Variants in HCN3 observed in about 807,000 individuals in gnomAD.
The protein encoded by HCN3 is potassium/sodium hyperpolarization-activated cyclic nucleotide-gated channel 3.
In HCN3, 36 loss-of-function variants were observed where a neutral mutation model predicts 56.8. The ratio of observed to expected loss-of-function variants is 0.63; its 90% CI spans 0.49 to 0.84. The LOEUF (loss-of-function observed/expected upper bound fraction) is 0.84. Among genes scored for constraint, HCN3 ranks in the 40% least tolerant of loss-of-function variants. HCN3 has a pLI of 0.00. For synonymous variants in HCN3, 425 were observed against 439.7 expected, an observed-to-expected ratio of 0.97 and a Z score of 0.42; for missense variants, 930 against 1,079.3, an observed-to-expected ratio of 0.86 and a Z score of 1.94.
intron 7 of HCN3, 66 bp downstream of exon 7, chr1:155,287,403 G>A: frequency 6.3e-7 from 1 of 1,586,632 alleles, no homozygotes; most frequent in Non-Finnish European, 8.6e-7. Flanking sequence ...CCAAAGCAAG[G>A]AGCCCAGGCT....
Position 155,288,666 on chromosome 1 carries a change from T to A in HCN3, c.*203T>A. The A allele has an allele frequency of 1.5e-6, 1 of 648,614 alleles. No individual in the cohort carries two copies. Among genetic ancestry groups the A allele is most frequent in the Admixed American group, 3.4e-5 (1 of 29,784 alleles). 40.2% of individuals were successfully genotyped at this position (648,614 alleles called of 1,614,324 possible). ...TGTAGCTTGTCCCATCATAATCCAT[T>A]CACCCGTTCATCATGTGTACTGAGC... On this transcript the variant is annotated 3_prime_UTR_variant, in exon 8 of 8. Transcript: ENST00000368358. The surrounding 1 kb of genome is among the most constrained non-coding windows in gnomAD (Gnocchi z 6.5).
At position 155,284,989 on chromosome 1, in the gene HCN3, C is replaced by T. The variant is rs1201799720; in HGVS notation, c.1090-176C>T. On this transcript the variant is annotated intron_variant, in intron 4 of 7. Coordinates refer to ENST00000368358, the MANE Select transcript of HCN3 (RefSeq NM_020897.3). The surrounding 1 kb of genome is among the most constrained non-coding windows in gnomAD (Gnocchi z 4.3). ...TTCCTATGACTGTGCTCTGTGTCTT[C>T]CCGGTATCCATCATTATCCGTATTC... is the stretch of plus-strand genomic sequence containing the variant. Among the ~76,000 whole-genome samples the T allele has an allele frequency of 6.6e-6, 1 of 152,214 alleles. No individual in the cohort carries two copies. Among genetic ancestry groups the T allele is most frequent in the Non-Finnish European group, 1.5e-5 (1 of 68,040 alleles).
chr1:155,285,907 A>C lies in HCN3; in HGVS notation c.1420A>C (p.Ser474Arg), dbSNP rs1330559042. The change falls in exon 6 of 8, where the codon AGT becomes CGT. Residue 474 changes from serine (S) to arginine (R), a missense_variant. Physicochemically the swap from Ser to Arg is moderately radical, Grantham distance 110 (BLOSUM62 -1). Coordinates refer to ENST00000368358, the MANE Select transcript of HCN3 (RefSeq NM_020897.3). The surrounding 1 kb of genome is among the most constrained non-coding windows in gnomAD (Gnocchi z 4.5). Reference sequence around the variant, plus strand: ...GTACTTCATCCAGCATGGGCTGCTCAGTGTGCTGGCCCGCGGCGCCCGGGA... The same window carrying C: ...GTACTTCATCCAGCATGGGCTGCTCCGTGTGCTGGCCCGCGGCGCCCGGGA... ...KMYFIQHGLL[S>R]VLARGARDTR... 1 of 1,612,028 alleles carries C rather than the reference A, an allele frequency of 6.2e-7. No homozygotes were observed. Among genetic ancestry groups the C allele is most frequent in the South Asian group, 1.1e-5 (1 of 91,016 alleles).
Position 155,285,291 on chromosome 1 carries a change from C to T in HCN3, c.1216C>T (p.Leu406=), listed in dbSNP as rs758132548. The T allele has an allele frequency of 6.3e-7, 1 of 1,585,512 alleles. No individual in the cohort carries two copies. The highest frequency in any genetic ancestry group is 1.2e-5 in the South Asian group (1 of 83,690). The change falls in exon 5 of 8, where the codon CTG becomes TTG. Residue 406 remains leucine (L), a synonymous_variant. Coordinates refer to ENST00000368358, the MANE Select transcript of HCN3 (RefSeq NM_020897.3). This position sits in a 1 kb window ranked among gnomAD's most constrained non-coding sequence, Gnocchi z 4.5. ...MFDEESILGE[L]SEPLREEIIN... ...CGATGAGGAAAGCATCCTGGGCGAGCTGAGCGAGCCGCTTCGCGAGGTGGG... is the reference window on the plus strand; with the variant it reads ...CGATGAGGAAAGCATCCTGGGCGAGTTGAGCGAGCCGCTTCGCGAGGTGGG...
In HCN3 at chr1:155,285,786, C is replaced by A; in HGVS notation, c.1299C>A (p.Asp433Glu). The A allele has an allele frequency of 6.2e-7, 1 of 1,614,202 alleles. No homozygotes were observed. Among genetic ancestry groups the A allele is most frequent in the South Asian group, 1.1e-5 (1 of 91,080 alleles). ...VAHMPLFAHA[D>E]PSFVTAVLTK... is the part of the protein sequence containing the mutation. ...ACATGCCGCTGTTTGCCCATGCCGA[C>A]CCCAGCTTCGTCACTGCAGTTCTCA... The change falls in exon 6 of 8, where the codon GAC becomes GAA. Residue 433 changes from aspartate to glutamate, a missense_variant. Coordinates refer to ENST00000368358, the MANE Select transcript of HCN3 (RefSeq NM_020897.3). The surrounding 1 kb of genome is among the most constrained non-coding windows in gnomAD (Gnocchi z 4.5).
In HCN3 at chr1:155,284,131, T is replaced by A; in HGVS notation, c.866T>A (p.Met289Lys). The A allele has an allele frequency of 6.2e-7, 1 of 1,614,090 alleles. No individual in the cohort carries two copies. Among genetic ancestry groups the A allele is most frequent in the Non-Finnish European group, 8.5e-7 (1 of 1,179,930 alleles). Residue 289 changes from methionine (M) to lysine (K), a missense_variant, in exon 3 of 8, where the codon ATG becomes AAG. By Grantham distance (95) the Met-to-Lys change is moderately conservative. Coordinates refer to ENST00000368358, the MANE Select transcript of HCN3 (RefSeq NM_020897.3). The surrounding 1 kb of genome is among the most constrained non-coding windows in gnomAD (Gnocchi z 4.3). ...GACTGCTGGGTCTCCATCAACCACA[T>A]GGTGGTGAGAAGTCCCCACAGCTCT... The part of the protein sequence containing the change: ...PPDCWVSINH[M>K]VNHSWGRQYS...
Position 155,285,931 on chromosome 1 carries a change from GAC to G in HCN3, c.1449_1450del (p.Arg484ProfsTer15). 1.9e-6 allele frequency: 3 copies of G among 1,601,988 alleles called. No individual in the cohort carries two copies. Among genetic ancestry groups the G allele is most frequent in the Non-Finnish European group, 2.6e-6 (3 of 1,170,972 alleles). On this transcript the variant is annotated frameshift_variant, in exon 6 of 8. Transcript: ENST00000368358. LOFTEE classifies it high-confidence loss of function. This position sits in a 1 kb window ranked among gnomAD's most constrained non-coding sequence, Gnocchi z 4.5. ...CAGTGTGCTGGCCCGCGGCGCCCGG[GAC>G]ACACGCCTCACCGATGGATCCTACT... The part of the protein sequence containing the change: ...LLSVLARGAR[D>X]TRLTDGSYFG...
chr1:155,288,416 C>G lies in HCN3; in HGVS notation c.2278C>G (p.Pro760Ala), dbSNP rs775816352. 6 of 1,611,568 alleles carry G rather than the reference C, an allele frequency of 3.7e-6. No homozygotes were observed. In the South Asian group the frequency reaches 6.6e-5, roughly 18 times the overall value. Residue 760 changes from proline to alanine, a missense_variant, in exon 8 of 8, where the codon CCT (proline) becomes GCT (alanine). Coordinates refer to ENST00000368358, the MANE Select transcript of HCN3 (RefSeq NM_020897.3). The surrounding 1 kb of genome is among the most constrained non-coding windows in gnomAD (Gnocchi z 6.5). ...RTAQPPRPPVPEPATPRGLQL... is the reference protein window; with the variant it reads ...RTAQPPRPPVAEPATPRGLQL... ...AGCCCAGCCCCCCAGGCCACCAGTG[C>G]CTGAGCCAGCCACACCCCGGGGTCT...
rs1219003038 is a variant in HCN3 at position 155,277,868 on chromosome 1, G to A, written c.278G>A (p.Arg93Gln). The change falls in exon 1 of 8, where the codon CGG becomes CAG. Residue 93 changes from arginine (R) to glutamine (Q), a missense_variant and splice_region_variant. Arg to Gln is a conservative substitution (Grantham distance 43). Coordinates refer to ENST00000368358, the MANE Select transcript of HCN3 (RefSeq NM_020897.3). ...ATCATCCACCCCTACAGCGACTTCC[G>A]GTATTGGGGGCTTGGCGGGGAGGGC... is the stretch of plus-strand genomic sequence containing the variant. Reference protein sequence around the residue: ...AWIIHPYSDFRFYWDLIMLLL... With the variant: ...AWIIHPYSDFQFYWDLIMLLL... 1.2e-6 allele frequency: 2 copies of A among 1,611,408 alleles called. No individual in the cohort carries two copies. The highest frequency in any genetic ancestry group is 1.7e-6 in the Non-Finnish European group (2 of 1,179,432).
rs151135773 is a variant in HCN3 at position 155,285,910 on chromosome 1, G to A, written c.1423G>A (p.Val475Met). The change falls in exon 6 of 8, where the codon GTG (valine) becomes ATG (methionine). Residue 475 changes from valine to methionine, a missense_variant. Physicochemically the swap from Val to Met is conservative, Grantham distance 21 (BLOSUM62 1). Transcript: ENST00000368358. This position sits in a 1 kb window ranked among gnomAD's most constrained non-coding sequence, Gnocchi z 4.5. ...CTTCATCCAGCATGGGCTGCTCAGT[G>A]TGCTGGCCCGCGGCGCCCGGGACAC... ...MYFIQHGLLSVLARGARDTRL... is the reference protein window; with the variant it reads ...MYFIQHGLLSMLARGARDTRL... 4.4e-4 allele frequency: 712 copies of A among 1,610,266 alleles called. 1 individual carries two copies. Among genetic ancestry groups the A allele is most frequent in the Non-Finnish European group, 5.7e-4 (676 of 1,176,852 alleles).
Position 155,285,898 on chromosome 1 carries a change from G to A in HCN3, c.1411G>A (p.Gly471Arg). The A allele has an allele frequency of 6.2e-7, 1 of 1,613,246 alleles. No homozygotes were observed. Among genetic ancestry groups the A allele is most frequent in the Non-Finnish European group, 8.5e-7 (1 of 1,179,260 alleles). Residue 471 changes from glycine (G) to arginine (R), a missense_variant, in exon 6 of 8, where the codon GGG becomes AGG. Physicochemically the swap from Gly to Arg is moderately radical, Grantham distance 125 (BLOSUM62 -2). Coordinates refer to ENST00000368358, the MANE Select transcript of HCN3 (RefSeq NM_020897.3). This position sits in a 1 kb window ranked among gnomAD's most constrained non-coding sequence, Gnocchi z 4.5. ...VGRKMYFIQH[G>R]LLSVLARGAR... ...GAGGAAGATGTACTTCATCCAGCAT[G>A]GGCTGCTCAGTGTGCTGGCCCGCGG...
chr1:155,279,266 T>G (rs1673928173), intron 1 of HCN3, among the ~76,000 whole-genome samples: 1 of 152,204 alleles, frequency 6.6e-6, no homozygotes, highest in Non-Finnish European at 1.5e-5. Context: ...GATTTTCCTG[T>G]GCCATTCTCT....
Position 155,288,136 on chromosome 1 carries a change from A to G in HCN3, c.1998A>G (p.Ala666=), listed in dbSNP as rs2148189472. ...TGCCCGTCCGAGCTGGCCCATGGGC[A>G]TCCACCTCCCGCCTGCCCGCCCCAC... is the stretch of plus-strand genomic sequence containing the variant. ...PLVPVRAGPW[A]STSRLPAPPA... is the part of the protein sequence containing the mutation. Residue 666 remains alanine (A), a synonymous_variant, in exon 8 of 8, where the codon GCA becomes GCG. Transcript: ENST00000368358. The surrounding 1 kb of genome is among the most constrained non-coding windows in gnomAD (Gnocchi z 6.5). The G allele has an allele frequency of 1.9e-6, 3 of 1,593,520 alleles. No homozygotes were observed. The highest frequency in any genetic ancestry group is 2.2e-5 in the South Asian group (2 of 89,518).
chr1:155,284,283 A>G lies in HCN3; in HGVS notation c.870+148A>G, dbSNP rs1473601671. On this transcript the variant is annotated intron_variant, in intron 3 of 7. Coordinates refer to ENST00000368358, the MANE Select transcript of HCN3 (RefSeq NM_020897.3). This position sits in a 1 kb window ranked among gnomAD's most constrained non-coding sequence, Gnocchi z 4.3. Reference sequence around the variant, plus strand: ...GGTGGGGAGGAGGGAGGAAAGGGGAAGGAGACCCAGAAGAAGTGCTCGTGT... The same window carrying G: ...GGTGGGGAGGAGGGAGGAAAGGGGAGGGAGACCCAGAAGAAGTGCTCGTGT... 1.2e-5 allele frequency: 12 copies of G among 981,694 alleles called. No homozygotes were observed. The highest frequency in any genetic ancestry group is 1.6e-5 in the Non-Finnish European group (11 of 673,326). 60.8% of individuals were successfully genotyped at this position (981,694 alleles called of 1,614,324 possible).
At position 155,288,167 on chromosome 1, in the gene HCN3, C is replaced by G; in HGVS notation, c.2029C>G (p.Arg677Gly). The G allele has an allele frequency of 6.3e-7, 1 of 1,579,602 alleles. No individual in the cohort carries two copies. The highest frequency in any genetic ancestry group is 8.6e-7 in the Non-Finnish European group (1 of 1,167,856). The change falls in exon 8 of 8, where the codon CGA becomes GGA. Residue 677 changes from arginine to glycine, a missense_variant. Coordinates refer to ENST00000368358, the MANE Select transcript of HCN3 (RefSeq NM_020897.3). This position sits in a 1 kb window ranked among gnomAD's most constrained non-coding sequence, Gnocchi z 6.5. ...STSRLPAPPA[R>G]TLHASLSRAG... ...CTCCCGCCTGCCCGCCCCACCTGCC[C>G]GAACCCTGCACGCCAGCCTATCCCG...
In HCN3 at chr1:155,285,614, C is replaced by A. The variant is rs899747280; in HGVS notation, c.1237-110C>A. 2 of 1,452,800 alleles carry A rather than the reference C, an allele frequency of 1.4e-6. No homozygotes were observed. Among genetic ancestry groups the A allele is most frequent in the African/African-American group, 1.4e-5 (1 of 71,554 alleles). The allele number at this position is 1,452,800 out of a possible 1,614,324, so 90.0% of individuals were successfully genotyped here. ...CCCAGGCCCACTGATGCCTCCCCAT[C>A]CTTTGGCAGAACATGACCCCAGGGG... On this transcript the variant is annotated intron_variant, in intron 5 of 7. Transcript: ENST00000368358. The surrounding 1 kb of genome is among the most constrained non-coding windows in gnomAD (Gnocchi z 4.5).
rs1001641388 is a variant in HCN3 at position 155,277,696 on chromosome 1, C to G, written c.106C>G (p.Pro36Ala). ...APPPATAASG[P>A]IPKSGPEPKR... The stretch of plus-strand genomic sequence containing the variant: ...CCCGCCTGCGACCGCGGCCTCAGGT[C>G]CGATCCCCAAATCTGGGCCTGAGCC... The change falls in exon 1 of 8, where the codon CCG becomes GCG. Residue 36 changes from proline (P) to alanine (A), a missense_variant. Pro to Ala is a conservative substitution (Grantham distance 27). Transcript: ENST00000368358. 18 of 1,569,684 alleles carry G rather than the reference C, an allele frequency of 1.1e-5. No individual in the cohort carries two copies. The highest frequency in any genetic ancestry group is 1.5e-5 in the Non-Finnish European group (17 of 1,158,122).
Position 155,282,516 on chromosome 1 carries a change from C to T in HCN3, c.384C>T (p.Val128=). ...AGGAGAACTCCCCGCCTTGGATCGT[C>T]TTCAACGTATTGTCTGATACTTTCT... The part of the protein sequence containing the change: ...FKEENSPPWI[V]FNVLSDTFFL... The change falls in exon 2 of 8, where the codon GTC becomes GTT. Residue 128 remains valine, a synonymous_variant. Transcript: ENST00000368358. This position sits in a 1 kb window ranked among gnomAD's most constrained non-coding sequence, Gnocchi z 4.7. The T allele has an allele frequency of 1.2e-6, 2 of 1,614,256 alleles. No homozygotes were observed. Among genetic ancestry groups the T allele is most frequent in the Non-Finnish European group, 1.7e-6 (2 of 1,180,052 alleles).
In HCN3 at chr1:155,285,448, G is replaced by A. The variant is rs1674244614; in HGVS notation, c.1236+137G>A. 2.6e-6 allele frequency: 3 copies of A among 1,161,950 alleles called. No individual in the cohort carries two copies. In the South Asian group the frequency reaches 4.7e-5, roughly 18 times the overall value. The allele number at this position is 1,161,950 out of a possible 1,614,324, so 72.0% of individuals were successfully genotyped here. ...GCCCCGTGGGAGGCCAGGTATTTGG[G>A]CTTTCAGGGGCTAGGGTCTTTCTTG... On this transcript the variant is annotated intron_variant, in intron 5 of 7. Coordinates refer to ENST00000368358, the MANE Select transcript of HCN3 (RefSeq NM_020897.3). This position sits in a 1 kb window ranked among gnomAD's most constrained non-coding sequence, Gnocchi z 4.5.
Sources: allele counts gnomAD v4.1 joint callset (sites outside exome capture counted in the v4.1 genomes callset), GRCh38; gene constraint gnomAD v4.1.1; non-coding constraint Gnocchi (gnomAD v3.1); transcripts MANE v1.5; gene names NCBI Gene and HGNC (gene_info 2026-07-23, HGNC 2026-07-21).